NPL: variants seen among roughly 807,000 people sequenced by gnomAD.
NPL encodes the protein N-acetylneuraminate pyruvate lyase, also known as N-acetylneuraminate lyase.
NPL carries 32 observed loss-of-function variants against 41.1 expected under a neutral mutation model. That is an observed-to-expected ratio of 0.78 (90% confidence interval 0.59 to 1.05). The LOEUF (loss-of-function observed/expected upper bound fraction) is 1.05, where lower values mean the gene tolerates loss of function less well. Ranked by LOEUF, NPL falls within the 50% of genes least tolerant of loss-of-function variation. NPL has a pLI of 0.00. For synonymous variants in NPL, 128 were observed against 134.9 expected (o/e 0.95, Z 0.35); for missense variants, 321 against 378.4 (o/e 0.85, Z 1.26).
At chr1:182,824,071 T>G (rs1477601841) in intron 11 of NPL, among the ~76,000 whole-genome samples, 3 of 152,354 alleles carry the variant, frequency 2.0e-5, no homozygotes, top group East Asian at 3.9e-4. Flanking sequence ...TTCACTTTAA[T>G]GTACTTAAGT....
intron 4 of NPL, 25 bp from the exon 5 acceptor site, chr1:182,806,120 G>C (rs1262168422): frequency 6.2e-7 from 1 of 1,614,020 alleles, no homozygotes; most frequent in Admixed American, 1.7e-5. Context: ...CCTTGGTCCT[G>C]CTGACTTACT....
At chr1:182,814,064 T>C (rs956879895) in intron 6 of NPL, among the ~76,000 whole-genome samples, 1 of 152,206 alleles carries the variant, frequency 6.6e-6, no homozygotes, top group African/African-American at 2.4e-5. Flanking sequence ...GTGGGGCACG[T>C]TCTGAAACAA....
In NPL at chr1:182,818,552, G is replaced by A. The variant is rs1483827352; in HGVS notation, c.469G>A (p.Glu157Lys). Reference sequence around the variant, plus strand: ...ATTATTTTGAGCAGTTCGTGCTGAGGAGTTGTTGGATGGGATTCTGGATAA... The same window carrying A: ...ATTATTTTGAGCAGTTCGTGCTGAGAAGTTGTTGGATGGGATTCTGGATAA... Reference protein sequence around the residue: ...ALTGVKIRAEELLDGILDKIP... With the variant: ...ALTGVKIRAEKLLDGILDKIP... Residue 157 changes from glutamate (E) to lysine (K), a missense_variant, in exon 9 of 13, where the codon GAG (glutamate) becomes AAG (lysine). Transcript: ENST00000367553. 3.7e-6 allele frequency: 6 copies of A among 1,614,148 alleles called. No homozygotes were observed. The highest frequency in any genetic ancestry group is 4.2e-6 in the Non-Finnish European group (5 of 1,180,036).
chr1:182,812,112 G>A (rs1667193040), intron 5 of NPL, 44 bp from the exon 6 acceptor site: 4 of 1,602,862 alleles, frequency 2.5e-6, no homozygotes, highest in Non-Finnish European at 3.4e-6. Flanking sequence ...CCTTCTGCAT[G>A]CCTCTAAACT....
intron 3 of NPL, among the ~76,000 whole-genome samples, chr1:182,797,031 T>A (rs2102528900): frequency 8.6e-6 from 1 of 116,276 alleles, no homozygotes; most frequent in South Asian, 2.4e-4. Context: ...TGAGAATATG[T>A]CTCAAAAAAA....
rs1666921507 is a variant in NPL at position 182,803,743 on chromosome 1, G to A, written c.114G>A (p.Val38=). Residue 38 remains valine (V), a synonymous_variant, in exon 4 of 13, where the codon GTG becomes GTA. Coordinates refer to ENST00000367553, the MANE Select transcript of NPL (RefSeq NM_030769.3). ...TTGGTCAGTATGTGGATTATCTTGT[G>A]AAAGAACAGGGAGTGAAGAACATTT... is the stretch of plus-strand genomic sequence containing the variant. ...SVIGQYVDYL[V]KEQGVKNIFV... 1.2e-6 allele frequency: 2 copies of A among 1,613,160 alleles called. No homozygotes were observed. Among genetic ancestry groups the A allele is most frequent in the Non-Finnish European group, 1.7e-6 (2 of 1,179,112 alleles).
chr1:182,791,805 T>G (rs1666523879), intron 1 of NPL, among the ~76,000 whole-genome samples: 2 of 152,102 alleles, frequency 1.3e-5, no homozygotes, highest in Non-Finnish European at 2.9e-5. Flanking sequence ...AGTGTTGGAT[T>G]TAGGAGGTGT....
At chr1:182,802,793 C>T (rs1406472644) in intron 3 of NPL, among the ~76,000 whole-genome samples, 1 of 152,188 alleles carries the variant, frequency 6.6e-6, no homozygotes, top group Non-Finnish European at 1.5e-5. Flanking sequence ...AGATCTTAAC[C>T]TTAAGCATCA....
At chr1:182,809,162 T>G (rs1224171611) in intron 5 of NPL, 1 of 420,440 alleles carries the variant, frequency 2.4e-6, no homozygotes, top group Admixed American at 2.9e-5. Context: ...GGGAGTGTAA[T>G]GATGCTTTCA....
chr1:182,799,156 G>GTT (rs1474868698), intron 3 of NPL, among the ~76,000 whole-genome samples: 1 of 152,172 alleles, frequency 6.6e-6, no homozygotes, highest in South Asian at 2.1e-4. Context: ...CCCTTTTACC[G>GTT]TAAGAGAAGA....
intron 7 of NPL, among the ~76,000 whole-genome samples, chr1:182,815,402 AAAGAAGTAT>A (rs905602203): frequency 6.6e-6 from 1 of 152,188 alleles, no homozygotes; most frequent in Non-Finnish European, 1.5e-5. Flanking sequence ...ATTAGCAAAA[AAAGAAGTAT>A]AAATTTTAGA....
intron 7 of NPL, among the ~76,000 whole-genome samples, chr1:182,815,689 A>T (rs113709720): frequency 0.081 from 12,338 of 152,166 alleles, 1,339 homozygotes; most frequent in African/African-American, 0.25. Context: ...CTGCAGCCTC[A>T]AACTCCTGGG....
rs775264158 is a variant in NPL at position 182,818,697 on chromosome 1, A to G, written c.606+8A>G. ...CTTTTTGGGGTGGATGAGGTAAGTC[A>G]CCCCCTAGCATGTTGCAGCAGGTCA... On this transcript the variant is annotated splice_region_variant and intron_variant, in intron 9 of 12. Transcript: ENST00000367553. The G allele has an allele frequency of 2.0e-5, 32 of 1,614,020 alleles. No individual in the cohort carries two copies. The highest frequency in any genetic ancestry group is 2.1e-5 in the Non-Finnish European group (25 of 1,179,988).
At chr1:182,814,448 T>A (rs1667266695) in intron 6 of NPL, among the ~76,000 whole-genome samples, 1 of 152,230 alleles carries the variant, frequency 6.6e-6, no homozygotes, top group Non-Finnish European at 1.5e-5. Flanking sequence ...GTATCATCAA[T>A]GGGCTGAACA....
chr1:182,818,986 C>T lies in NPL; in HGVS notation c.653+127C>T, dbSNP rs576201160. On this transcript the variant is annotated intron_variant, in intron 10 of 12. Transcript: ENST00000367553. ...GTTTCCTTTCTTTTCCACATTCTTCCAGTGAAAGGGAATTAAATACTGCTT... is the reference window on the plus strand; with the variant it reads ...GTTTCCTTTCTTTTCCACATTCTTCTAGTGAAAGGGAATTAAATACTGCTT... 26 of 859,246 alleles carry T rather than the reference C, an allele frequency of 3.0e-5. No individual in the cohort carries two copies. In the South Asian group the frequency reaches 3.4e-4, roughly 11 times the overall value. 53.2% of individuals were successfully genotyped at this position (859,246 alleles called of 1,614,324 possible).
chr1:182,799,867 G>T (rs530247639), intron 3 of NPL, among the ~76,000 whole-genome samples: 1 of 152,134 alleles, frequency 6.6e-6, no homozygotes, highest in African/African-American at 2.4e-5. Flanking sequence ...ATGGAATTTG[G>T]TTCTGGGTCA....
intron 4 of NPL, among the ~76,000 whole-genome samples, chr1:182,804,569 TA>T (rs1666949890): frequency 6.6e-6 from 1 of 152,224 alleles, no homozygotes; most frequent in Non-Finnish European, 1.5e-5. Flanking sequence ...AGTGAAAGTT[TA>T]AAAAATTAGA....
At chr1:182,802,911 T>G in intron 3 of NPL, among the ~76,000 whole-genome samples, 1 of 152,242 alleles carries the variant, frequency 6.6e-6, no homozygotes, top group East Asian at 1.9e-4. Context: ...GGGCTTGGGA[T>G]TCCATGTGTC....
intron 3 of NPL, among the ~76,000 whole-genome samples, chr1:182,799,706 T>C (rs1345216908): frequency 8.8e-6 from 1 of 113,112 alleles, no homozygotes; most frequent in Non-Finnish European, 1.7e-5. Flanking sequence ...GAGGCCAGCC[T>C]AGACAACATA....
Sources: allele counts gnomAD v4.1 joint callset (sites outside exome capture counted in the v4.1 genomes callset), GRCh38; gene constraint gnomAD v4.1.1; transcripts MANE v1.5; gene names NCBI Gene and HGNC (gene_info 2026-07-23, HGNC 2026-07-21).